Variants in ACACA observed in about 807,000 individuals in gnomAD.
ACACA encodes the protein acetyl-CoA carboxylase 1.
A neutral mutation model predicts 296.1 loss-of-function variants in ACACA; 103 were observed. That is an observed-to-expected ratio of 0.35 (90% CI 0.30 to 0.41). ACACA has a LOEUF of 0.41. Ranked by LOEUF, ACACA falls within the 10% of genes least tolerant of loss-of-function variation. ACACA has a pLI of 1.00. For synonymous variants in ACACA, 953 were observed against 1,038.6 expected, an observed-to-expected ratio of 0.92 and a Z score of 1.58; for missense variants, 1,554 against 2,989.7, an observed-to-expected ratio of 0.52 and a Z score of 11.20.
intron 23 of ACACA, among the ~76,000 whole-genome samples, chr17:37,241,586 T>C (rs1429119058): frequency 6.6e-6 from 1 of 151,948 alleles, no homozygotes; most frequent in East Asian, 1.9e-4. Context: ...ACAGCTATAG[T>C]CCCAGCTATT....
intron 50 of ACACA, among the ~76,000 whole-genome samples, chr17:37,116,642 C>T (rs1312693417): frequency 6.6e-6 from 1 of 152,086 alleles, no homozygotes; most frequent in African/African-American, 2.4e-5. Flanking sequence ...ATCAAAACAC[C>T]CAAAAAGCAG....
chr17:37,180,437 C>A (rs2077275676), intron 40 of ACACA, among the ~76,000 whole-genome samples: 1 of 152,126 alleles, frequency 6.6e-6, no homozygotes, highest in African/African-American at 2.4e-5. Flanking sequence ...TGTGGTAATA[C>A]TGGTAGTATT....
chr17:37,192,006 G>A, intron 37 of ACACA, 84 bp downstream of exon 37: 2 of 1,350,052 alleles, frequency 1.5e-6, no homozygotes, highest in Non-Finnish European at 2.1e-6. Context: ...TCTCTCAGCA[G>A]AAGCATAATA....
chr17:37,276,175 A>T, intron 7 of ACACA, 126 bp from the exon 8 acceptor site: 2 of 733,074 alleles, frequency 2.7e-6, no homozygotes, highest in Non-Finnish European at 4.9e-6. Flanking sequence ...TCACATATCA[A>T]GGAGATCATA....
intron 42 of ACACA, among the ~76,000 whole-genome samples, chr17:37,157,914 A>G (rs1791308232): frequency 6.6e-6 from 1 of 152,136 alleles, no homozygotes; most frequent in African/African-American, 2.4e-5. Flanking sequence ...AAGACCAATT[A>G]GGAGGGTACT....
At chr17:37,258,079 A>T in intron 13 of ACACA, 133 bp downstream of exon 13, 3 of 1,231,118 alleles carry the variant, frequency 2.4e-6, no homozygotes, top group Non-Finnish European at 3.5e-6. Flanking sequence ...CCATTTACTT[A>T]TCTGCTCTGA....
At chr17:37,331,211 G>A (rs1033808923) in intron 2 of ACACA, among the ~76,000 whole-genome samples, 28 of 151,626 alleles carry the variant, frequency 1.8e-4, no homozygotes, top group East Asian at 1.2e-3. Flanking sequence ...TCCGCCTCCC[G>A]GGTTCATGCC....
At chr17:37,362,936 C>G (rs2049458183) in intron 1 of ACACA, among the ~76,000 whole-genome samples, 1 of 146,498 alleles carries the variant, frequency 6.8e-6, no homozygotes, top group Non-Finnish European at 1.5e-5. Context: ...GATCGCGCCA[C>G]TGCACTCCAG....
intron 1 of ACACA, among the ~76,000 whole-genome samples, chr17:37,375,130 G>T (rs1309416987): frequency 2.0e-5 from 3 of 151,414 alleles, no homozygotes; most frequent in Non-Finnish European, 4.4e-5. Context: ...GGAGATGAAG[G>T]TTGCAGTGAG....
chr17:37,317,184 A>G (rs1197310469), intron 3 of ACACA, among the ~76,000 whole-genome samples: 1 of 152,194 alleles, frequency 6.6e-6, no homozygotes, highest in Admixed American at 6.5e-5. Flanking sequence ...CTATATGTAT[A>G]TTTTTAATGA....
At position 37,099,559 on chromosome 17, in the gene ACACA, C is replaced by A. The variant is rs367804907; in HGVS notation, c.6566-1575G>T. On this transcript the variant is annotated intron_variant, in intron 52 of 55. Transcript: ENST00000616317. ...GGGCTGATGGCGGGAGGGCTGATGG[C>A]AGGAGGGCTGATGGCGGGAGGGCTG... Among the ~76,000 whole-genome samples, 560 of 83,788 alleles carry A rather than the reference C, an allele frequency of 6.7e-3. 1 individual carries two copies. The highest frequency in any genetic ancestry group is 0.033 in the African/African-American group (525 of 16,130). The allele number at this position is 83,788 out of a possible 152,430, so 55.0% of individuals were successfully genotyped here.
intron 1 of ACACA, among the ~76,000 whole-genome samples, chr17:37,404,570 A>ATTTTTTTTTTTTTTTTTTTTTTTTTTT (rs5820212): frequency 9.5e-6 from 1 of 104,742 alleles, no homozygotes; most frequent in Non-Finnish European, 1.9e-5. Flanking sequence ...TGCCACAGTG[A>ATTTTTTTTTTTTTTTTTTTTTTTTTTT]TTTTTTTTTT....
intron 3 of ACACA, 62 bp from the exon 4 acceptor site, chr17:37,285,032 A>T: frequency 6.3e-7 from 1 of 1,596,900 alleles, no homozygotes; most frequent in South Asian, 1.1e-5. Flanking sequence ...GCTTTTCACT[A>T]CCATACCCAT....
chr17:37,203,100 T>TACAGGCGCCCGCCACC (rs1293893213), intron 33 of ACACA, among the ~76,000 whole-genome samples: 37 of 152,028 alleles, frequency 2.4e-4, no homozygotes, highest in African/African-American at 8.7e-4. Flanking sequence ...TAGCTGGCGC[T>TACAGGCGCCCGCCACC]ACAGGCGCCC....
intron 1 of ACACA, among the ~76,000 whole-genome samples, chr17:37,351,233 C>T (rs918466584): frequency 8.6e-5 from 13 of 151,992 alleles, no homozygotes; most frequent in African/African-American, 1.2e-4. Context: ...AGGCCAAGAC[C>T]GGAGGATCAC....
At chr17:37,129,306 G>A in intron 47 of ACACA, 59 bp downstream of exon 47, 2 of 1,605,228 alleles carry the variant, frequency 1.2e-6, no homozygotes, top group Non-Finnish European at 1.7e-6. Context: ...GATAGTGATT[G>A]AAAAGAACGC....
intron 41 of ACACA, among the ~76,000 whole-genome samples, chr17:37,174,106 C>T (rs2077017911): frequency 7.1e-6 from 1 of 140,672 alleles, no homozygotes; most frequent in Non-Finnish European, 1.5e-5. Flanking sequence ...AGTGATCCGC[C>T]GACCTTGGTC....
intron 45 of ACACA, among the ~76,000 whole-genome samples, chr17:37,145,899 T>A (rs1017429215): frequency 6.6e-6 from 1 of 152,060 alleles, no homozygotes; most frequent in Non-Finnish European, 1.5e-5. Flanking sequence ...ATTTTACAAA[T>A]AACTGCAGGC....
chr17:37,171,103 G>T (rs1456941891), intron 41 of ACACA, among the ~76,000 whole-genome samples: 1 of 152,210 alleles, frequency 6.6e-6, no homozygotes, highest in African/African-American at 2.4e-5. Context: ...CTGTGGCTGA[G>T]ATGTTGAAGC....
Sources: allele counts gnomAD v4.1 joint callset (sites outside exome capture counted in the v4.1 genomes callset), GRCh38; gene constraint gnomAD v4.1.1; transcripts MANE v1.5; gene names NCBI Gene and HGNC (gene_info 2026-07-23, HGNC 2026-07-21).